Variants in SYTL2 observed in about 807,000 individuals in gnomAD.
SYTL2 encodes synaptotagmin-like protein 2.
Under a neutral mutation model 198.7 loss-of-function variants are expected in SYTL2, and 165 were observed. The observed-to-expected ratio is 0.83, with a 90% CI of 0.73 to 0.94. The LOEUF (loss-of-function observed/expected upper bound fraction) is 0.94, where lower values mean the gene tolerates loss of function less well. Among genes scored for constraint, SYTL2 ranks in the 40% least tolerant of loss-of-function variants. The probability of loss-of-function intolerance (pLI) is 0.00; values close to 1 mark genes in which losing one functional copy is unlikely to be tolerated. For missense variants in SYTL2, 2,835 were observed against 2,582.8 expected, an observed-to-expected ratio of 1.10 and a Z score of -2.12; for synonymous variants, 966 against 917.7, an observed-to-expected ratio of 1.05 and a Z score of -0.95.
intron 1 of SYTL2, among the ~76,000 whole-genome samples, chr11:85,790,251 T>A (rs1449274218): frequency 6.6e-6 from 1 of 152,182 alleles, no homozygotes; most frequent in East Asian, 1.9e-4. Flanking sequence ...ACATTTTGGA[T>A]TTCAGATTAG....
chr11:85,757,642 G>C lies in SYTL2; in HGVS notation c.84C>G (p.Ala28=), dbSNP rs544516547. ...CCTCTTACCTGACTCTCTCTTCTTCGGCCCTCTTCAGAGCAGCATCCCGCT... is the reference window on the plus strand; with the variant it reads ...CCTCTTACCTGACTCTCTCTTCTTCCGCCCTCTTCAGAGCAGCATCCCGCT... ...VLQRDAALKR[A]EEERVRHLPE... Residue 28 remains alanine, a synonymous_variant, in exon 2 of 20, where the codon GCC becomes GCG. Coordinates refer to ENST00000359152, the MANE Select transcript of SYTL2 (RefSeq NM_206927.4). 11 of 1,613,194 alleles carry C rather than the reference G, an allele frequency of 6.8e-6. No individual in the cohort carries two copies. The highest frequency in any genetic ancestry group is 9.3e-6 in the Non-Finnish European group (11 of 1,179,720).
intron 11 of SYTL2, chr11:85,714,802 G>T: frequency 1.6e-6 from 1 of 614,026 alleles, no homozygotes; most frequent in South Asian, 3.7e-5. Context: ...CTGTCAGTGT[G>T]AATTGGTTTA....
At chr11:85,819,398 G>A in the SYTL2 span, among the ~76,000 whole-genome samples, 3 of 152,166 alleles carry the variant, frequency 2.0e-5, no homozygotes, top group Non-Finnish European at 4.4e-5. Context: ...TGGTTCTGTT[G>A]CCGCACTCAC....
At chr11:85,835,718 T>C in the SYTL2 span, among the ~76,000 whole-genome samples, 1 of 152,222 alleles carries the variant, frequency 6.6e-6, no homozygotes, top group East Asian at 1.9e-4. Context: ...ACAACTATCA[T>C]AATGGGATTT....
intron 7 of SYTL2, 44 bp from the exon 8 acceptor site, chr11:85,728,011 T>A: frequency 6.8e-7 from 1 of 1,478,254 alleles, no homozygotes; most frequent in Non-Finnish European, 9.1e-7. Flanking sequence ...AGAGCATGCT[T>A]AAAGAACTGT....
chr11:85,848,228 G>C, the SYTL2 span, among the ~76,000 whole-genome samples: 4 of 147,928 alleles, frequency 2.7e-5, no homozygotes, highest in Admixed American at 6.8e-5. Flanking sequence ...GACAGAGCAA[G>C]ACCCTGACTC....
intron 2 of SYTL2, among the ~76,000 whole-genome samples, chr11:85,753,304 A>G (rs1166643446): frequency 6.6e-6 from 1 of 152,212 alleles, no homozygotes; most frequent in Non-Finnish European, 1.5e-5. Context: ...TGTCTCCTTC[A>G]CTGCTGGTCT....
At chr11:85,710,685 T>A (rs2086096661) in intron 13 of SYTL2, among the ~76,000 whole-genome samples, 1 of 152,206 alleles carries the variant, frequency 6.6e-6, no homozygotes, top group African/African-American at 2.4e-5. Flanking sequence ...GGCAAGGAAT[T>A]ACCTCTCATA....
At chr11:85,776,574 T>A (rs570647169) in intron 1 of SYTL2, among the ~76,000 whole-genome samples, 1 of 152,246 alleles carries the variant, frequency 6.6e-6, no homozygotes, top group Non-Finnish European at 1.5e-5. Flanking sequence ...GCAAAGGACA[T>A]GAACTCATCC....
chr11:85,747,524 G>C (rs2091237446), intron 3 of SYTL2, among the ~76,000 whole-genome samples: 1 of 152,084 alleles, frequency 6.6e-6, no homozygotes, highest in Non-Finnish European at 1.5e-5. Context: ...GTTTTTGGTT[G>C]GTTGGCATTT....
the SYTL2 span, among the ~76,000 whole-genome samples, chr11:85,833,003 AAAG>A: frequency 1.3e-3 from 113 of 90,044 alleles, 8 homozygotes; most frequent in African/African-American, 4.8e-3. Flanking sequence ...CTCAAAAAAA[AAAG>A]AAAGAAAAGA....
At chr11:85,769,614 G>A (rs537522311) in intron 1 of SYTL2, among the ~76,000 whole-genome samples, 1 of 152,312 alleles carries the variant, frequency 6.6e-6, no homozygotes, top group East Asian at 1.9e-4. Context: ...TACACAGTCT[G>A]AGGACACGAT....
At chr11:85,743,991 T>G (rs1433872780) in intron 4 of SYTL2, among the ~76,000 whole-genome samples, 1 of 152,120 alleles carries the variant, frequency 6.6e-6, no homozygotes, top group African/African-American at 2.4e-5. Context: ...TATAAATAAC[T>G]ATGTTCTCTC....
At chr11:85,735,347 A>C (rs1467106137) in intron 6 of SYTL2, among the ~76,000 whole-genome samples, 2 of 152,332 alleles carry the variant, frequency 1.3e-5, no homozygotes, top group South Asian at 2.1e-4. Flanking sequence ...ATTTCTCAAA[A>C]GAGGCTTAAA....
At chr11:85,818,845 CA>C in the SYTL2 span, among the ~76,000 whole-genome samples, 809 of 152,242 alleles carry the variant, frequency 5.3e-3, 10 homozygotes, top group African/African-American at 0.018. Flanking sequence ...CATGCACCAC[CA>C]TACCCAGCTA....
the SYTL2 span, among the ~76,000 whole-genome samples, chr11:85,833,245 G>A: frequency 2.0e-5 from 3 of 148,846 alleles, no homozygotes; most frequent in Admixed American, 6.7e-5. Context: ...ATAACATATT[G>A]GGCATCTATC....
the SYTL2 span, among the ~76,000 whole-genome samples, chr11:85,835,057 GC>G: frequency 2.6e-5 from 4 of 152,046 alleles, no homozygotes; most frequent in Non-Finnish European, 5.9e-5. Context: ...ACCATACCCA[GC>G]CCTTAAATGC....
intron 1 of SYTL2, among the ~76,000 whole-genome samples, chr11:85,785,702 T>C (rs2092625651): frequency 6.6e-6 from 1 of 152,152 alleles, no homozygotes; most frequent in Admixed American, 6.6e-5. Flanking sequence ...AGGCTCATGG[T>C]CTGGACTGGC....
At chr11:85,826,506 T>G in the SYTL2 span, among the ~76,000 whole-genome samples, 1 of 152,158 alleles carries the variant, frequency 6.6e-6, no homozygotes, top group African/African-American at 2.4e-5. Flanking sequence ...TGAGGCAATG[T>G]CCAGAGGTCA....
Sources: allele counts gnomAD v4.1 joint callset (sites outside exome capture counted in the v4.1 genomes callset), GRCh38; gene constraint gnomAD v4.1.1; transcripts MANE v1.5; gene names NCBI Gene and HGNC (gene_info 2026-07-23, HGNC 2026-07-21).